Variants in ZMAT4 observed in about 807,000 individuals in gnomAD.
The protein encoded by ZMAT4 is zinc finger matrin-type 4, also known as zinc finger matrin-type protein 4.
Under a neutral mutation model 28.7 loss-of-function variants are expected in ZMAT4, and 17 were observed. The ratio of observed to expected loss-of-function variants is 0.59; its 90% confidence interval spans 0.41 to 0.89. The LOEUF is 0.89. Among genes scored for constraint, ZMAT4 ranks in the 40% least tolerant of loss-of-function variants. The pLI is 0.00. For missense variants in ZMAT4, 240 were observed against 283.8 expected (o/e 0.85, Z 1.11); for synonymous variants, 117 against 109.2 (o/e 1.07, Z -0.44).
chr8:40,788,501 C>T (rs757576482), intron 2 of ZMAT4, among the ~76,000 whole-genome samples: 3 of 152,160 alleles, frequency 2.0e-5, no homozygotes, highest in East Asian at 3.9e-4. Context: ...AGAAGAATGG[C>T]GTGAACCCAG....
intron 5 of ZMAT4, among the ~76,000 whole-genome samples, chr8:40,599,351 C>G (rs768162968): frequency 2.0e-5 from 3 of 152,038 alleles, no homozygotes; most frequent in Non-Finnish European, 4.4e-5. Context: ...CACATATGTA[C>G]ACACACATAC....
At chr8:40,833,439 G>A (rs894601199) in intron 1 of ZMAT4, among the ~76,000 whole-genome samples, 5 of 150,638 alleles carry the variant, frequency 3.3e-5, no homozygotes, top group Non-Finnish European at 4.4e-5. Flanking sequence ...GTGGTGGTGC[G>A]TGCCTGTAAT....
intron 2 of ZMAT4, among the ~76,000 whole-genome samples, chr8:40,803,303 A>C (rs1814932251): frequency 6.6e-6 from 1 of 152,180 alleles, no homozygotes; most frequent in South Asian, 2.1e-4. Flanking sequence ...GATTGAGATA[A>C]AATATTTGCA....
rs199859039 is a variant in ZMAT4 at position 40,556,071 on chromosome 8, T to C, written c.675-23833A>G. Among the ~76,000 whole-genome samples, 10 of 152,280 alleles carry C rather than the reference T, an allele frequency of 6.6e-5. No homozygotes were observed. The East Asian group carries it at 1.5e-3, about 24-fold the overall frequency. ...CAGTCACATGGTTCTCCTACTTCTA[T>C]AGCAATTCCTTTTTCATCTCCTTCC... is the stretch of plus-strand genomic sequence containing the variant. On this transcript the variant is annotated intron_variant, in intron 6 of 6. Transcript: ENST00000297737.
chr8:40,537,568 T>C (rs1427203977), intron 6 of ZMAT4, among the ~76,000 whole-genome samples: 1 of 152,212 alleles, frequency 6.6e-6, no homozygotes, highest in Non-Finnish European at 1.5e-5. Flanking sequence ...TCTGCTTATA[T>C]AGAATTTGCA....
intron 1 of ZMAT4, among the ~76,000 whole-genome samples, chr8:40,881,437 A>AGAGAGAG (rs1563263259): frequency 4.0e-5 from 2 of 50,064 alleles, no homozygotes; most frequent in African/African-American, 1.6e-4. Context: ...GAAAGAGAGA[A>AGAGAGAG]AGAAAGAAAG....
At chr8:40,703,382 G>A (rs928009819) in intron 3 of ZMAT4, among the ~76,000 whole-genome samples, 1 of 152,184 alleles carries the variant, frequency 6.6e-6, no homozygotes, top group African/African-American at 2.4e-5. Flanking sequence ...CAATGGCATG[G>A]TATTTGCAAC....
intron 5 of ZMAT4, among the ~76,000 whole-genome samples, chr8:40,588,637 A>G (rs1310427857): frequency 6.6e-6 from 1 of 152,144 alleles, no homozygotes; most frequent in Non-Finnish European, 1.5e-5. Context: ...GTAAATGACC[A>G]TATGGAACAA....
chr8:40,833,118 C>T (rs1048021616), intron 1 of ZMAT4, among the ~76,000 whole-genome samples: 1 of 152,170 alleles, frequency 6.6e-6, no homozygotes, highest in Non-Finnish European at 1.5e-5. Flanking sequence ...GCCATGCCTG[C>T]CAGTGCAGGA....
intron 5 of ZMAT4, among the ~76,000 whole-genome samples, chr8:40,671,392 T>G (rs891692699): frequency 1.3e-5 from 2 of 152,164 alleles, no homozygotes; most frequent in Middle Eastern, 3.2e-3. Context: ...AAGCTTTATC[T>G]AAAATAGCAC....
intron 6 of ZMAT4, among the ~76,000 whole-genome samples, chr8:40,550,137 T>C (rs541161169): frequency 6.6e-5 from 10 of 152,104 alleles, no homozygotes; most frequent in Non-Finnish European, 1.2e-4. Context: ...TGATGGGTTC[T>C]CTTGGGCCAC....
At chr8:40,857,270 G>A (rs545342667) in intron 1 of ZMAT4, among the ~76,000 whole-genome samples, 3 of 152,168 alleles carry the variant, frequency 2.0e-5, no homozygotes, top group Non-Finnish European at 2.9e-5. Context: ...CAGAAGGATC[G>A]TTTGAGTCAG....
rs1367392937 is a variant in ZMAT4, at chr8:40,897,734, C to T, written c.-56G>A. ...GGTGCCCAGAGGCCAGCTGCCCTGCCGAGCAGTAGAGCGAAGCTGTGGGCT... is the reference window on the plus strand; with the variant it reads ...GGTGCCCAGAGGCCAGCTGCCCTGCTGAGCAGTAGAGCGAAGCTGTGGGCT... On this transcript the variant is annotated 5_prime_UTR_variant, in exon 1 of 7. Coordinates refer to ENST00000297737, the MANE Select transcript of ZMAT4 (RefSeq NM_024645.3). 1 of 152,192 alleles carries T rather than the reference C, an allele frequency of 6.6e-6. No homozygotes were observed. The highest frequency in any genetic ancestry group is 1.5e-5 in the Non-Finnish European group (1 of 68,082). The allele number at this position is 152,192 out of a possible 1,614,324, so 9.4% of individuals were successfully genotyped here. A position where few individuals can be genotyped will look rare whatever the true frequency, so the allele number is the denominator to read the frequency against.
chr8:40,557,816 A>G (rs1803596114), intron 6 of ZMAT4, among the ~76,000 whole-genome samples: 1 of 152,146 alleles, frequency 6.6e-6, no homozygotes, highest in Non-Finnish European at 1.5e-5. Context: ...CTTTTACTCT[A>G]TTTGTAAAAG....
intron 5 of ZMAT4, among the ~76,000 whole-genome samples, chr8:40,671,432 G>A (rs1348891296): frequency 1.3e-5 from 2 of 151,952 alleles, no homozygotes; most frequent in African/African-American, 4.8e-5. Context: ...TCAATGAATA[G>A]AGTGGATAGA....
chr8:40,641,115 C>T (rs1807008687), intron 5 of ZMAT4, among the ~76,000 whole-genome samples: 1 of 152,072 alleles, frequency 6.6e-6, no homozygotes, highest in Non-Finnish European at 1.5e-5. Context: ...CTAGCTTAAT[C>T]ACAGTAAGAA....
chr8:40,794,399 G>T (rs1814494963), intron 2 of ZMAT4, among the ~76,000 whole-genome samples: 1 of 152,030 alleles, frequency 6.6e-6, no homozygotes, highest in Non-Finnish European at 1.5e-5. Flanking sequence ...TGAAACCTAG[G>T]GCACCCAGAA....
intron 3 of ZMAT4, among the ~76,000 whole-genome samples, chr8:40,710,654 C>T (rs1018038768): frequency 1.7e-4 from 26 of 151,952 alleles, no homozygotes; most frequent in African/African-American, 6.3e-4. Flanking sequence ...AGAAGTGTGC[C>T]ACATGATCCT....
intron 6 of ZMAT4, among the ~76,000 whole-genome samples, chr8:40,539,575 C>T (rs1209929010): frequency 2.0e-5 from 3 of 152,134 alleles, no homozygotes; most frequent in Admixed American, 1.3e-4. Context: ...TTCATTTAGC[C>T]TCAGTTTATT....
Sources: allele counts gnomAD v4.1 joint callset (sites outside exome capture counted in the v4.1 genomes callset), GRCh38; gene constraint gnomAD v4.1.1; transcripts MANE v1.5; gene names NCBI Gene and HGNC (gene_info 2026-07-23, HGNC 2026-07-21).